SORCS1: variants seen among roughly 807,000 people sequenced by gnomAD.
SORCS1 encodes the protein VPS10 domain-containing receptor SorCS1.
In SORCS1, 60 loss-of-function variants were observed where a neutral mutation model predicts 146.1. The observed-to-expected ratio is 0.41, with a 90% CI of 0.33 to 0.51. SORCS1 has a LOEUF of 0.51. Among genes scored for constraint, SORCS1 ranks in the 20% least tolerant of loss-of-function variants. The pLI, the probability that SORCS1 is intolerant of heterozygous loss-of-function variation, is 0.21. For missense variants in SORCS1, 1,352 were observed against 1,487.6 expected, an observed-to-expected ratio of 0.91 and a Z score of 1.50; for synonymous variants, 637 against 584.0, an observed-to-expected ratio of 1.09 and a Z score of -1.31.
At chr10:107,052,859 T>C (rs933155461) in intron 1 of SORCS1, among the ~76,000 whole-genome samples, 1 of 152,142 alleles carries the variant, frequency 6.6e-6, no homozygotes, top group East Asian at 1.9e-4. Flanking sequence ...AAATCCATAT[T>C]TGTAGAAAAT....
chr10:106,757,703 C>T (rs751582364), intron 5 of SORCS1, among the ~76,000 whole-genome samples: 1 of 152,202 alleles, frequency 6.6e-6, no homozygotes, highest in Admixed American at 6.5e-5. Context: ...GAACTTTGGG[C>T]TCTCACCACT....
chr10:106,781,884 G>C (rs952287741), intron 3 of SORCS1, among the ~76,000 whole-genome samples: 1 of 152,038 alleles, frequency 6.6e-6, no homozygotes, highest in Non-Finnish European at 1.5e-5. Context: ...TGAAGGAAGG[G>C]GAGGAAGGGG....
At chr10:106,999,653 G>A (rs1037516726) in intron 1 of SORCS1, among the ~76,000 whole-genome samples, 1 of 152,126 alleles carries the variant, frequency 6.6e-6, no homozygotes, top group Non-Finnish European at 1.5e-5. Flanking sequence ...CAGAAGCTTG[G>A]CTCTGGCAAA....
intron 24 of SORCS1, among the ~76,000 whole-genome samples, chr10:106,581,775 A>ATC (rs202126673): frequency 2.0e-5 from 3 of 152,004 alleles, no homozygotes; most frequent in South Asian, 2.1e-4. Flanking sequence ...AAAAGATAAG[A>ATC]TCTCTCTCTC....
At chr10:106,789,359 T>C (rs528473178) in intron 3 of SORCS1, among the ~76,000 whole-genome samples, 1 of 152,234 alleles carries the variant, frequency 6.6e-6, no homozygotes, top group African/African-American at 2.4e-5. Context: ...CCCCAGAAAA[T>C]GGGTTTTTCT....
chr10:106,787,833 A>G (rs367866028), intron 3 of SORCS1, among the ~76,000 whole-genome samples: 4 of 152,306 alleles, frequency 2.6e-5, no homozygotes, highest in Non-Finnish European at 4.4e-5. Context: ...AAAAGCTCCA[A>G]TTCTGTTTTG....
At chr10:106,675,240 G>T (rs1851937879) in intron 13 of SORCS1, 84 bp from the exon 14 acceptor site, 1 of 954,904 alleles carries the variant, frequency 1.0e-6, no homozygotes, top group Non-Finnish European at 1.6e-6. Context: ...TCAACCCAGA[G>T]ATAATACATT....
chr10:107,043,425 G>C (rs1372297311), intron 1 of SORCS1, among the ~76,000 whole-genome samples: 3 of 152,130 alleles, frequency 2.0e-5, no homozygotes, highest in Non-Finnish European at 2.9e-5. Flanking sequence ...CAGATAAAAC[G>C]ATGCTCTTTT....
At chr10:106,976,704 C>G (rs1393171101) in intron 1 of SORCS1, among the ~76,000 whole-genome samples, 1 of 152,066 alleles carries the variant, frequency 6.6e-6, no homozygotes, top group South Asian at 2.1e-4. Context: ...TGCCTCTCAC[C>G]CCCAATTGGC....
chr10:106,665,467 T>G (rs1237884160), intron 17 of SORCS1, among the ~76,000 whole-genome samples: 4 of 151,478 alleles, frequency 2.6e-5, no homozygotes, highest in African/African-American at 9.7e-5. Context: ...AAACGATCCT[T>G]CCACTTCAGC....
chr10:106,939,023 A>G, intron 2 of SORCS1, among the ~76,000 whole-genome samples: 1 of 152,252 alleles, frequency 6.6e-6, no homozygotes, highest in East Asian at 1.9e-4. Flanking sequence ...TAGAAGGAAG[A>G]GAATAGTGTA....
chr10:106,671,793 A>C (rs2756228), intron 15 of SORCS1, among the ~76,000 whole-genome samples: 149,975 of 152,280 alleles, frequency 0.98, 73,896 homozygotes, highest in East Asian at 1. Flanking sequence ...TATAAAGATC[A>C]ATTTTGCCTC....
chr10:106,892,352 T>C (rs1198179145), intron 2 of SORCS1, among the ~76,000 whole-genome samples: 1 of 152,238 alleles, frequency 6.6e-6, no homozygotes, highest in Non-Finnish European at 1.5e-5. Flanking sequence ...GATGTGGTTA[T>C]TTACCTACTT....
chr10:106,785,500 G>T (rs921154553), intron 3 of SORCS1, among the ~76,000 whole-genome samples: 3 of 152,086 alleles, frequency 2.0e-5, no homozygotes, highest in Admixed American at 2.0e-4. Context: ...TCCAGTGATG[G>T]TTTATTTCAT....
At chr10:106,869,625 T>G (rs1397618721) in intron 2 of SORCS1, among the ~76,000 whole-genome samples, 4 of 152,134 alleles carry the variant, frequency 2.6e-5, no homozygotes, top group Non-Finnish European at 5.9e-5. Flanking sequence ...AGAAAAGACT[T>G]TTGGTAAAAT....
chr10:106,891,339 C>A (rs975907003), intron 2 of SORCS1, among the ~76,000 whole-genome samples: 9 of 151,956 alleles, frequency 5.9e-5, no homozygotes, highest in Non-Finnish European at 1.3e-4. Context: ...AGATGAACAA[C>A]AAGTTAGCAA....
At chr10:106,808,798 G>C (rs1215662942) in intron 3 of SORCS1, among the ~76,000 whole-genome samples, 1 of 152,218 alleles carries the variant, frequency 6.6e-6, no homozygotes, top group Non-Finnish European at 1.5e-5. Flanking sequence ...CACCGGAAAA[G>C]AGTATATGTA....
intron 1 of SORCS1, among the ~76,000 whole-genome samples, chr10:107,102,928 T>G (rs899298856): frequency 6.6e-6 from 1 of 152,194 alleles, no homozygotes; most frequent in African/African-American, 2.4e-5. Context: ...TGCTGTAATA[T>G]TGCCTCCAAA....
intron 4 of SORCS1, among the ~76,000 whole-genome samples, chr10:106,762,353 G>A (rs900205928): frequency 2.8e-5 from 4 of 141,148 alleles, no homozygotes; most frequent in Non-Finnish European, 6.2e-5. Context: ...AGGAGAATCT[G>A]TAACTTTTTC....
Sources: allele counts gnomAD v4.1 joint callset (sites outside exome capture counted in the v4.1 genomes callset), GRCh38; gene constraint gnomAD v4.1.1; transcripts MANE v1.5; gene names NCBI Gene and HGNC (gene_info 2026-07-23, HGNC 2026-07-21).